RERE: variants seen among roughly 807,000 people sequenced by gnomAD.
RERE encodes the protein arginine-glutamic acid dipeptide repeats protein.
Under a neutral mutation model 146.1 loss-of-function variants are expected in RERE, and 40 were observed. That is an observed-to-expected ratio of 0.27 (90% confidence interval 0.21 to 0.36). The LOEUF (loss-of-function observed/expected upper bound fraction) is 0.36, where lower values mean the gene tolerates loss of function less well. RERE is among the 10% of genes least tolerant of loss of function. RERE has a pLI of 1.00. For missense variants in RERE, 1,933 were observed against 2,138.7 expected, an observed-to-expected ratio of 0.90 and a Z score of 1.90; for synonymous variants, 1,003 against 866.0, an observed-to-expected ratio of 1.16 and a Z score of -2.78.
At chr1:8,661,736 G>A (rs939541459) in intron 1 of RERE, among the ~76,000 whole-genome samples, 7 of 152,208 alleles carry the variant, frequency 4.6e-5, no homozygotes, top group African/African-American at 1.2e-4. Flanking sequence ...GTTTCATGGG[G>A]AGACCAGGAA....
chr1:8,382,631 C>T (rs1642496342), intron 12 of RERE, among the ~76,000 whole-genome samples: 1 of 152,194 alleles, frequency 6.6e-6, no homozygotes, highest in Non-Finnish European at 1.5e-5. Flanking sequence ...GACGTTACTA[C>T]GTTACACACA....
chr1:8,477,696 C>T (rs1644773745), intron 10 of RERE, among the ~76,000 whole-genome samples: 1 of 152,188 alleles, frequency 6.6e-6, no homozygotes, highest in Non-Finnish European at 1.5e-5. Context: ...GAAACATTTA[C>T]AGTAACTGCT....
At chr1:8,680,257 A>G (rs1372556217) in intron 1 of RERE, among the ~76,000 whole-genome samples, 1 of 152,214 alleles carries the variant, frequency 6.6e-6, no homozygotes, top group Non-Finnish European at 1.5e-5. Flanking sequence ...GAGTATATGC[A>G]TAAGTTGCAT....
At chr1:8,699,847 C>T (rs1639409593) in intron 1 of RERE, among the ~76,000 whole-genome samples, 3 of 152,108 alleles carry the variant, frequency 2.0e-5, no homozygotes, top group Admixed American at 6.6e-5. Context: ...TCTCTTTCTA[C>T]CCAGCCACCC....
intron 2 of RERE, 117 bp from the exon 3 acceptor site, chr1:8,624,497 A>T (rs1040182448): frequency 3.2e-6 from 2 of 628,954 alleles, no homozygotes; most frequent in African/African-American, 3.8e-5. Flanking sequence ...TTTATTGTAA[A>T]TTTTTTCCAA....
chr1:8,766,329 C>T (rs763252461), intron 1 of RERE, among the ~76,000 whole-genome samples: 6 of 151,932 alleles, frequency 3.9e-5, no homozygotes, highest in African/African-American at 1.2e-4. Flanking sequence ...CACTTGAGGT[C>T]GGGAGTTCAA....
At chr1:8,403,825 CT>C (rs869295197) in intron 12 of RERE, among the ~76,000 whole-genome samples, 202 of 70,820 alleles carry the variant, frequency 2.9e-3, no homozygotes, top group African/African-American at 0.01. Context: ...AAAATCTTAG[CT>C]TTTTTTTTTT....
chr1:8,505,722 G>C (rs1455930935), intron 8 of RERE, among the ~76,000 whole-genome samples: 1 of 152,034 alleles, frequency 6.6e-6, no homozygotes, highest in Admixed American at 6.6e-5. Context: ...GTAGAGATGG[G>C]GTTTTGCCAT....
At chr1:8,481,009 C>G (rs1048968182) in intron 10 of RERE, among the ~76,000 whole-genome samples, 2 of 152,344 alleles carry the variant, frequency 1.3e-5, no homozygotes, top group Admixed American at 1.3e-4. Flanking sequence ...TCACATTCCT[C>G]AGTCCCTGCT....
chr1:8,472,911 C>T (rs1364673651), intron 10 of RERE, among the ~76,000 whole-genome samples: 2 of 151,542 alleles, frequency 1.3e-5, no homozygotes, highest in Admixed American at 6.6e-5. Context: ...TAAATCTTTC[C>T]GCCTCTTTTC....
chr1:8,712,414 T>C (rs1639686377), intron 1 of RERE, among the ~76,000 whole-genome samples: 1 of 152,174 alleles, frequency 6.6e-6, no homozygotes, highest in Admixed American at 6.6e-5. Context: ...ACACTGATCA[T>C]CCCCTCCAAT....
At chr1:8,634,898 G>T (rs1052414168) in intron 2 of RERE, among the ~76,000 whole-genome samples, 4 of 152,066 alleles carry the variant, frequency 2.6e-5, no homozygotes, top group African/African-American at 4.8e-5. Flanking sequence ...ACCACGCCCG[G>T]CTAATTTTTT....
At chr1:8,713,533 A>C (rs191015053) in intron 1 of RERE, among the ~76,000 whole-genome samples, 1 of 152,272 alleles carries the variant, frequency 6.6e-6, no homozygotes, top group Admixed American at 6.5e-5. Flanking sequence ...CAGGAGTTCA[A>C]GACCAGCCTC....
intron 1 of RERE, chr1:8,786,288 A>G (rs1641257542): frequency 8.5e-6 from 8 of 944,930 alleles, no homozygotes; most frequent in African/African-American, 3.2e-5. Context: ...TCTTCATTCT[A>G]TCTTGTGGAG....
chr1:8,546,083 AG>A (rs888016170), intron 6 of RERE, among the ~76,000 whole-genome samples: 1 of 126,674 alleles, frequency 7.9e-6, no homozygotes, highest in African/African-American at 2.9e-5. Context: ...TCAACTTCCC[AG>A]GCTCACGTGA....
intron 2 of RERE, among the ~76,000 whole-genome samples, chr1:8,645,225 C>T (rs1647258158): frequency 6.6e-6 from 1 of 152,188 alleles, no homozygotes; most frequent in African/African-American, 2.4e-5. Context: ...TCACAGTGCC[C>T]TTTGCAATCA....
intron 7 of RERE, among the ~76,000 whole-genome samples, chr1:8,540,095 ATTTT>A (rs985777369): frequency 1.3e-4 from 20 of 151,658 alleles, no homozygotes; most frequent in African/African-American, 4.8e-4. Context: ...TTATTTATTT[ATTTT>A]TTATTCTTTT....
rs1296176912 is a variant in RERE, at chr1:8,517,737, G to A, written c.831-9062C>T. Among the ~76,000 whole-genome samples, 6 of 152,222 alleles carry A rather than the reference G, an allele frequency of 3.9e-5. No homozygotes were observed. The East Asian group carries it at 5.8e-4, about 15-fold the overall frequency. ...AAAAAAACCCCAGTGTAACAAAGCAGTATCCATAGCAACTACAACTTAATA... is the reference window on the plus strand; with the variant it reads ...AAAAAAACCCCAGTGTAACAAAGCAATATCCATAGCAACTACAACTTAATA... On this transcript the variant is annotated intron_variant, in intron 7 of 22. Transcript: ENST00000400908.
intron 1 of RERE, among the ~76,000 whole-genome samples, chr1:8,662,257 C>A (rs1371493190): frequency 6.6e-6 from 1 of 152,222 alleles, no homozygotes; most frequent in Non-Finnish European, 1.5e-5. Flanking sequence ...CCTCTACAAA[C>A]ACCATCTTAC....
Sources: gnomAD v4.1 joint callset for allele counts (sites outside exome capture counted in the v4.1 genomes callset) on GRCh38, gnomAD v4.1.1 for gene constraint, MANE v1.5 for transcripts, NCBI Gene and HGNC (gene_info 2026-07-23, HGNC 2026-07-21) for gene names.